ADAMTS17: variants seen among roughly 807,000 people sequenced by gnomAD.
ADAMTS17 encodes the protein ADAM metallopeptidase with thrombospondin type 1 motif 17, also known as A disintegrin and metalloproteinase with thrombospondin motifs 17.
ADAMTS17 carries 113 observed loss-of-function variants against 141.5 expected under a neutral mutation model. That is an observed-to-expected ratio of 0.80 (90% CI 0.69 to 0.93). ADAMTS17 has a LOEUF of 0.93. Ranked by LOEUF, ADAMTS17 falls within the 40% of genes least tolerant of loss-of-function variation. ADAMTS17 has a pLI of 0.00. For synonymous variants in ADAMTS17, 768 were observed against 630.6 expected (o/e 1.22, Z -3.27); for missense variants, 1,659 against 1,517.9 (o/e 1.09, Z -1.54).
intron 3 of ADAMTS17, among the ~76,000 whole-genome samples, chr15:100,309,183 C>G (rs1484389271): frequency 2.0e-5 from 3 of 152,140 alleles, no homozygotes; most frequent in African/African-American, 7.2e-5. Context: ...CACAGTGAGA[C>G]CTCATCTCCA....
chr15:100,131,924 C>A, intron 12 of ADAMTS17, 83 bp downstream of exon 12: 1 of 1,602,188 alleles, frequency 6.2e-7, no homozygotes, highest in Non-Finnish European at 8.5e-7. Flanking sequence ...GGAGACAGAC[C>A]CTGCTTTGTG....
intron 18 of ADAMTS17, among the ~76,000 whole-genome samples, chr15:100,022,079 G>A (rs1394850690): frequency 6.6e-6 from 1 of 152,090 alleles, no homozygotes; most frequent in African/African-American, 2.4e-5. Flanking sequence ...AGTCTTTGTT[G>A]ACCTTGGCTA....
intron 18 of ADAMTS17, among the ~76,000 whole-genome samples, chr15:100,039,676 A>G (rs1468868988): frequency 6.6e-6 from 1 of 152,134 alleles, no homozygotes; most frequent in Non-Finnish European, 1.5e-5. Flanking sequence ...ATCTATTCTG[A>G]ATAGTGTTCC....
At position 100,227,935 on chromosome 15, in the gene ADAMTS17, C is replaced by A. The variant is rs995389335; in HGVS notation, c.1075+26201G>T. Among the ~76,000 whole-genome samples, 23 of 152,224 alleles carry A rather than the reference C, an allele frequency of 1.5e-4. 2 individuals carry two copies. The highest frequency in any genetic ancestry group is 1.2e-3 in the Admixed American group (18 of 15,280). ...TATCTTAGAGCAACGGCTTTCATTCCTGACCTTGCTCCCACTGCAGTAAAC... is the reference window on the plus strand; with the variant it reads ...TATCTTAGAGCAACGGCTTTCATTCATGACCTTGCTCCCACTGCAGTAAAC... On this transcript the variant is annotated intron_variant, in intron 7 of 21. Coordinates refer to ENST00000268070, the MANE Select transcript of ADAMTS17 (RefSeq NM_139057.4).
intron 15 of ADAMTS17, among the ~76,000 whole-genome samples, chr15:100,070,902 C>A (rs1349200405): frequency 6.7e-6 from 1 of 149,872 alleles, no homozygotes; most frequent in Non-Finnish European, 1.5e-5. Context: ...CAGAGCAGAA[C>A]TGAAGGAAAT....
chr15:100,142,534 C>T (rs1244620843), intron 10 of ADAMTS17, among the ~76,000 whole-genome samples: 1 of 152,198 alleles, frequency 6.6e-6, no homozygotes, highest in African/African-American at 2.4e-5. Context: ...GTGTGTGCTA[C>T]ATGCTAAGTG....
intron 10 of ADAMTS17, among the ~76,000 whole-genome samples, chr15:100,134,204 C>A (rs940999897): frequency 6.6e-6 from 1 of 152,220 alleles, no homozygotes. Context: ...GTTCCACACG[C>A]CTCTCAGAGG....
At chr15:100,339,571 TCCCCGCCCCAGGTCCACATTC>T (rs1555512138) in intron 2 of ADAMTS17, among the ~76,000 whole-genome samples, 1 of 126,586 alleles carries the variant, frequency 7.9e-6, no homozygotes. Context: ...CAACCCACAT[TCCCCGCCCCAGGTCCACATTC>T]CCCGCCCCAG....
At chr15:100,120,678 C>T (rs565484663) in intron 12 of ADAMTS17, among the ~76,000 whole-genome samples, 104 of 152,358 alleles carry the variant, frequency 6.8e-4, no homozygotes, top group Middle Eastern at 6.8e-3. Flanking sequence ...GCTTTCACTT[C>T]AGGTTAATTC....
intron 7 of ADAMTS17, among the ~76,000 whole-genome samples, chr15:100,228,802 G>C (rs28676284): frequency 0.11 from 16,911 of 152,240 alleles, 1,011 homozygotes; most frequent in Admixed American, 0.13. Context: ...GGGGGAAGGA[G>C]CTGGCCTGCT....
At chr15:100,077,903 A>T (rs1339456455) in intron 15 of ADAMTS17, among the ~76,000 whole-genome samples, 1 of 152,236 alleles carries the variant, frequency 6.6e-6, no homozygotes, top group Non-Finnish European at 1.5e-5. Context: ...AGATTCAGTA[A>T]GATTGCAGGA....
chr15:100,300,893 T>G (rs907325992), intron 3 of ADAMTS17, among the ~76,000 whole-genome samples: 1 of 152,344 alleles, frequency 6.6e-6, no homozygotes, highest in African/African-American at 2.4e-5. Context: ...TCCCTTAATC[T>G]AAACCACAAT....
At chr15:100,194,977 G>A (rs1596244582) in intron 8 of ADAMTS17, among the ~76,000 whole-genome samples, 1 of 152,178 alleles carries the variant, frequency 6.6e-6, no homozygotes. Context: ...CTCACTTTAC[G>A]GTGCATTTCT....
intron 15 of ADAMTS17, among the ~76,000 whole-genome samples, chr15:100,056,430 AG>A (rs1328189140): frequency 8.3e-6 from 1 of 121,058 alleles, no homozygotes; most frequent in Non-Finnish European, 1.7e-5. Context: ...TCCACAGACC[AG>A]GGGGTTGGGG....
chr15:100,123,355 A>C (rs1439162533), intron 12 of ADAMTS17, among the ~76,000 whole-genome samples: 2 of 152,210 alleles, frequency 1.3e-5, no homozygotes, highest in Non-Finnish European at 2.9e-5. Flanking sequence ...AATAAAGAAC[A>C]GTTAATATAA....
chr15:100,197,408 C>T (rs2041160778), intron 8 of ADAMTS17, among the ~76,000 whole-genome samples: 1 of 152,168 alleles, frequency 6.6e-6, no homozygotes, highest in Admixed American at 6.5e-5. Flanking sequence ...GGTACTACGG[C>T]ATGCTGGTTG....
intron 15 of ADAMTS17, among the ~76,000 whole-genome samples, chr15:100,075,394 T>C (rs2034297359): frequency 6.6e-6 from 1 of 152,226 alleles, no homozygotes; most frequent in Admixed American, 6.5e-5. Context: ...TGAAATATGA[T>C]ACTGTACAGC....
At chr15:99,975,994 G>C in intron 21 of ADAMTS17, 51 bp downstream of exon 21, 1 of 1,519,620 alleles carries the variant, frequency 6.6e-7, no homozygotes, top group South Asian at 1.3e-5. Flanking sequence ...GGACTTACTG[G>C]GCAGGAGACA....
At chr15:100,199,264 C>T in intron 8 of ADAMTS17, 54 bp downstream of exon 8, 2 of 1,487,716 alleles carry the variant, frequency 1.3e-6, no homozygotes, top group Non-Finnish European at 1.9e-6. Context: ...AGTGAAAAAT[C>T]TGCACTCAAA....
Sources: allele counts gnomAD v4.1 joint callset (sites outside exome capture counted in the v4.1 genomes callset), GRCh38; gene constraint gnomAD v4.1.1; transcripts MANE v1.5; gene names NCBI Gene and HGNC (gene_info 2026-07-23, HGNC 2026-07-21).